AACS: variants seen among roughly 807,000 people sequenced by gnomAD.
The protein encoded by AACS is acetoacetate-CoA ligase.
Under a neutral mutation model 83.1 loss-of-function variants are expected in AACS, and 69 were observed. That is an observed-to-expected ratio of 0.83 (90% CI 0.68 to 1.01). The LOEUF is 1.01. Among genes scored for constraint, AACS ranks in the 50% least tolerant of loss-of-function variants. The pLI is 0.00. For synonymous variants in AACS, 333 were observed against 343.4 expected, an observed-to-expected ratio of 0.97 and a Z score of 0.33; for missense variants, 866 against 882.2, an observed-to-expected ratio of 0.98 and a Z score of 0.23.
chr12:125,137,035 G>T (rs939709400), intron 17 of AACS, among the ~76,000 whole-genome samples, 171 bp downstream of exon 17: 1 of 152,148 alleles, frequency 6.6e-6, no homozygotes, highest in Non-Finnish European at 1.5e-5. Context: ...TCCTAAGACT[G>T]CATTTAAAGC....
chr12:125,099,955 C>T lies in AACS; in HGVS notation c.571-2724C>T, dbSNP rs562906350. On this transcript the variant is annotated intron_variant, in intron 5 of 17. Coordinates refer to ENST00000316519, the MANE Select transcript of AACS (RefSeq NM_023928.5). ...CCTCCCAAAGTGCTGGGATTACAGGCGTGAGCCACTGTGCCCGGCCGAAAT... is the reference window on the plus strand; with the variant it reads ...CCTCCCAAAGTGCTGGGATTACAGGTGTGAGCCACTGTGCCCGGCCGAAAT... Among the ~76,000 whole-genome samples, 16 of 152,280 alleles carry T rather than the reference C, an allele frequency of 1.1e-4. 1 individual carries two copies. Among genetic ancestry groups the T allele is most frequent in the Non-Finnish European group, 1.8e-4 (12 of 68,032 alleles).
At chr12:125,115,426 A>G (rs1957037651) in intron 9 of AACS, among the ~76,000 whole-genome samples, 1 of 151,932 alleles carries the variant, frequency 6.6e-6, no homozygotes, top group Admixed American at 6.6e-5. Context: ...ACGCCCAGCT[A>G]ATTTTTTGTA....
chr12:125,116,895 C>T (rs1176955382), intron 9 of AACS, among the ~76,000 whole-genome samples: 4 of 150,068 alleles, frequency 2.7e-5, no homozygotes, highest in South Asian at 2.2e-4. Flanking sequence ...CCCTCCCTAC[C>T]TCTCCCTTCC....
At chr12:125,074,856 G>A (rs945436003) in intron 2 of AACS, among the ~76,000 whole-genome samples, 2 of 151,236 alleles carry the variant, frequency 1.3e-5, no homozygotes, top group African/African-American at 4.9e-5. Flanking sequence ...TAGAGACAGG[G>A]TTTTGCCATG....
chr12:125,109,042 A>G (rs1461351682), intron 8 of AACS, among the ~76,000 whole-genome samples: 7 of 152,114 alleles, frequency 4.6e-5, no homozygotes, highest in African/African-American at 1.7e-4. Context: ...GAGAACCTCT[A>G]GAAAAGCTGC....
In AACS at chr12:125,066,691, C is replaced by T. The variant is rs548569609; in HGVS notation, c.133+974C>T. On this transcript the variant is annotated intron_variant, in intron 1 of 17. Transcript: ENST00000316519. Reference sequence around the variant, plus strand: ...CTCGAACTCCTGACCTCAGGTGATCCGATCGCCTTGGCCTCCCAAAGTGCT... The same window carrying T: ...CTCGAACTCCTGACCTCAGGTGATCTGATCGCCTTGGCCTCCCAAAGTGCT... Among the ~76,000 whole-genome samples the T allele has an allele frequency of 1.2e-3, 190 of 152,150 alleles. 1 individual carries two copies. Among genetic ancestry groups the T allele is most frequent in the South Asian group, 2.5e-3 (12 of 4,808 alleles).
intron 3 of AACS, among the ~76,000 whole-genome samples, chr12:125,079,804 T>C (rs1165260821): frequency 6.6e-6 from 1 of 152,162 alleles, no homozygotes; most frequent in Non-Finnish European, 1.5e-5. Context: ...CACCCCTAGT[T>C]CCAGAACATT....
At chr12:125,085,803 C>T (rs1037793771) in intron 3 of AACS, among the ~76,000 whole-genome samples, 5 of 151,968 alleles carry the variant, frequency 3.3e-5, no homozygotes, top group African/African-American at 9.7e-5. Flanking sequence ...AAAGCATTCC[C>T]GGTAGAAAAT....
chr12:125,134,196 G>A, intron 15 of AACS, 124 bp downstream of exon 15: 1 of 1,013,730 alleles, frequency 9.9e-7, no homozygotes, highest in Non-Finnish European at 1.4e-6. Context: ...CTCCACTCCA[G>A]CACCAGGGTG....
intron 9 of AACS, among the ~76,000 whole-genome samples, chr12:125,115,395 G>C (rs988297218): frequency 6.6e-6 from 1 of 152,044 alleles, no homozygotes; most frequent in Admixed American, 6.6e-5. Flanking sequence ...TGAGTAGCTG[G>C]GACTACAGGC....
chr12:125,124,451 T>A, intron 10 of AACS: 1 of 542,442 alleles, frequency 1.8e-6, no homozygotes, highest in East Asian at 3.1e-5. Flanking sequence ...TGAGCGACTG[T>A]TTTATGTGAC....
At chr12:125,142,010 T>G in intron 17 of AACS, 82 bp from the exon 18 acceptor site, 2 of 1,556,500 alleles carry the variant, frequency 1.3e-6, no homozygotes, top group Non-Finnish European at 1.7e-6. Flanking sequence ...AGCTGGGCCT[T>G]TGGGGCCTGG....
chr12:125,129,083 G>T lies in AACS; in HGVS notation c.1424-252G>T. The T allele has an allele frequency of 2.7e-6, 1 of 375,690 alleles. No homozygotes were observed. The highest frequency in any genetic ancestry group is 3.6e-5 in the South Asian group (1 of 27,442). 23.3% of individuals were successfully genotyped at this position (375,690 alleles called of 1,614,324 possible). A position where few individuals can be genotyped will look rare whatever the true frequency, so the allele number is the denominator to read the frequency against. ...GGATGCGTGTGGATGGAGCAGAAATGTTAACACACATGGGAATAACAAATC... is the reference window on the plus strand; with the variant it reads ...GGATGCGTGTGGATGGAGCAGAAATTTTAACACACATGGGAATAACAAATC... On this transcript the variant is annotated intron_variant, in intron 13 of 17. Transcript: ENST00000316519. This position sits in a 1 kb window ranked among gnomAD's most constrained non-coding sequence, Gnocchi z 4.3.
chr12:125,068,610 T>C (rs550039125), intron 1 of AACS, among the ~76,000 whole-genome samples: 3 of 152,278 alleles, frequency 2.0e-5, no homozygotes, highest in South Asian at 2.1e-4. Context: ...GGAGGGCATT[T>C]AGCACTGTTT....
At chr12:125,136,347 G>T (rs1180420804) in intron 16 of AACS, among the ~76,000 whole-genome samples, 10 of 152,180 alleles carry the variant, frequency 6.6e-5, no homozygotes, top group Admixed American at 6.5e-4. Flanking sequence ...ACCATGCCCG[G>T]CCCTCTTTTT....
At chr12:125,079,448 C>T (rs750085852) in intron 3 of AACS, among the ~76,000 whole-genome samples, 2 of 152,172 alleles carry the variant, frequency 1.3e-5, no homozygotes, top group Non-Finnish European at 1.5e-5. Context: ...GTGGCACGAT[C>T]GTGGCTCACT....
At chr12:125,073,519 GATT>G (rs1294661001) in intron 1 of AACS, among the ~76,000 whole-genome samples, 1 of 152,168 alleles carries the variant, frequency 6.6e-6, no homozygotes, top group Non-Finnish European at 1.5e-5. Flanking sequence ...GCTGGAGGGG[GATT>G]ATTAATTATC....
chr12:125,087,829 TAGTG>T (rs1956373772), intron 4 of AACS, among the ~76,000 whole-genome samples: 1 of 152,192 alleles, frequency 6.6e-6, no homozygotes, highest in African/African-American at 2.4e-5. Context: ...GACATGGAGT[TAGTG>T]CTCAGCGTTT....
Position 125,102,750 on chromosome 12 carries a change from C to T in AACS, c.642C>T (p.Gly214=). Residue 214 remains glycine (G), a synonymous_variant, in exon 6 of 18, where the codon GGC becomes GGT. Transcript: ENST00000316519. ...IFSVEAVVYN[G]KEHNHMEKLQ... is the part of the protein sequence containing the mutation. Reference sequence around the variant, plus strand: ...CTGTGGAGGCTGTTGTCTATAATGGCAAAGAGCACAACCACATGGAAAAGC... The same window carrying T: ...CTGTGGAGGCTGTTGTCTATAATGGTAAAGAGCACAACCACATGGAAAAGC... The T allele has an allele frequency of 6.2e-7, 1 of 1,614,168 alleles. No individual in the cohort carries two copies.
Sources: gnomAD v4.1 joint callset for allele counts (sites outside exome capture counted in the v4.1 genomes callset) on GRCh38, gnomAD v4.1.1 for gene constraint, Gnocchi (gnomAD v3.1) non-coding constraint, MANE v1.5 for transcripts, NCBI Gene and HGNC (gene_info 2026-07-23, HGNC 2026-07-21) for gene names.